RASGRF1: variants seen among roughly 807,000 people sequenced by gnomAD.
RASGRF1 encodes the protein Ras protein specific guanine nucleotide releasing factor 1, also known as ras-specific guanine nucleotide-releasing factor 1.
A neutral mutation model predicts 138.7 loss-of-function variants in RASGRF1; 40 were observed. The observed-to-expected ratio is 0.29, with a 90% CI of 0.22 to 0.38. The LOEUF is 0.38. RASGRF1 is among the 10% of genes least tolerant of loss of function. RASGRF1 has a pLI of 1.00. For synonymous variants in RASGRF1, 614 were observed against 663.2 expected (o/e 0.93, Z 1.14); for missense variants, 1,108 against 1,650.4 (o/e 0.67, Z 5.69).
At chr15:79,005,248 C>T (rs576466866) in intron 14 of RASGRF1, 51 of 985,608 alleles carry the variant, frequency 5.2e-5, no homozygotes, top group African/African-American at 4.5e-4. Flanking sequence ...TGGGTCGTTG[C>T]GTTGCTCTGG....
chr15:78,978,222 T>C (rs75646863), intron 24 of RASGRF1, among the ~76,000 whole-genome samples: 9 of 23,914 alleles, frequency 3.8e-4, no homozygotes, highest in East Asian at 3.3e-3. Context: ...TTTCTTTTGT[T>C]TTTTTTTTTT....
chr15:79,001,181 A>G (rs2056514873), intron 16 of RASGRF1, among the ~76,000 whole-genome samples: 1 of 152,150 alleles, frequency 6.6e-6, no homozygotes, highest in African/African-American at 2.4e-5. Flanking sequence ...CCTTTTTGCA[A>G]AGCTGTCAAG....
intron 21 of RASGRF1, 128 bp downstream of exon 21, chr15:78,991,563 A>G (rs548322955): frequency 3.1e-5 from 22 of 700,840 alleles, no homozygotes; most frequent in Non-Finnish European, 4.4e-5. Flanking sequence ...CTGCTGACCC[A>G]GGCACTATTG....
chr15:78,973,191 G>A lies in RASGRF1; in HGVS notation c.3612+112C>T, dbSNP rs1373525048. ...AAGCTGGACCCAGGCTCCCAAATGG[G>A]GGCACCCTATGCAGCAGGTTGGGCC... On this transcript the variant is annotated intron_variant, in intron 25 of 26. Coordinates refer to ENST00000558480, the MANE Select transcript of RASGRF1 (RefSeq NM_001145648.3). The surrounding 1 kb of genome is among the most constrained non-coding windows in gnomAD (Gnocchi z 4.9). 6.2e-6 allele frequency: 5 copies of A among 812,658 alleles called. No homozygotes were observed. The highest frequency in any genetic ancestry group is 3.3e-4 in the Middle Eastern group (1 of 3,072). 50.3% of individuals were successfully genotyped at this position (812,658 alleles called of 1,614,324 possible).
At chr15:79,075,836 T>C (rs1045853412) in intron 1 of RASGRF1, among the ~76,000 whole-genome samples, 4 of 152,204 alleles carry the variant, frequency 2.6e-5, no homozygotes, top group African/African-American at 9.6e-5. Context: ...TGGGCAGCCT[T>C]GTCATCTCTC....
At chr15:79,013,697 G>A (rs1405584465) in intron 13 of RASGRF1, among the ~76,000 whole-genome samples, 1 of 152,150 alleles carries the variant, frequency 6.6e-6, no homozygotes, top group Non-Finnish European at 1.5e-5. Flanking sequence ...GAGAGCCAGT[G>A]GGCTCCAGGG....
Position 79,015,378 on chromosome 15 carries a change from A to G in RASGRF1, c.1775T>C (p.Met592Thr). ...GGAATTTTCTTCAAATGCGTTCATC[A>G]TGAGCCCATTGCATCGGATGTTATC... is the stretch of plus-strand genomic sequence containing the variant. ...CVDNIRCNGL[M>T]MNAFEENSKV... Residue 592 changes from methionine (M) to threonine (T), a missense_variant, in exon 13 of 27, where the codon ATG (methionine) becomes ACG (threonine). This residue lies in a region of RASGRF1 where 686 missense variants were observed against 976.7 expected (regional missense o/e 0.70). Coordinates refer to ENST00000558480, the MANE Select transcript of RASGRF1 (RefSeq NM_001145648.3). The G allele has an allele frequency of 6.2e-7, 1 of 1,614,062 alleles. No individual in the cohort carries two copies.
At chr15:79,039,777 TC>T (rs1335336397) in intron 5 of RASGRF1, among the ~76,000 whole-genome samples, 5 of 152,194 alleles carry the variant, frequency 3.3e-5, no homozygotes, top group Admixed American at 3.3e-4. Flanking sequence ...TACTGATTTT[TC>T]TTTTTTTTTG....
In RASGRF1 at chr15:78,967,363, T is replaced by C. The variant is rs188121111; in HGVS notation, c.3681+4503A>G. The stretch of plus-strand genomic sequence containing the variant: ...GAGTTCGAGACCAGGCTGGACAACA[T>C]GGCAAAACCCTGTTTCTACAAAAAA... On this transcript the variant is annotated intron_variant, in intron 26 of 26. Coordinates refer to ENST00000558480, the MANE Select transcript of RASGRF1 (RefSeq NM_001145648.3). 4.1e-3 allele frequency among the ~76,000 whole-genome samples: 626 copies of C among 152,238 alleles called. 5 individuals are homozygous for C. The highest frequency in any genetic ancestry group is 0.015 in the African/African-American group (606 of 41,528).
Position 79,006,090 on chromosome 15 carries a change from G to A in RASGRF1, c.2075+96C>T. 1 of 1,535,768 alleles carries A rather than the reference G, an allele frequency of 6.5e-7. No homozygotes were observed. Among genetic ancestry groups the A allele is most frequent in the Non-Finnish European group, 8.9e-7 (1 of 1,127,210 alleles). On this transcript the variant is annotated intron_variant, in intron 14 of 26. Coordinates refer to ENST00000558480, the MANE Select transcript of RASGRF1 (RefSeq NM_001145648.3). This position sits in a 1 kb window ranked among gnomAD's most constrained non-coding sequence, Gnocchi z 4.0. Reference sequence around the variant, plus strand: ...AACACGTTACTGCTGCTCCTCCAGGGACCTTCCAGGTCACCCCCCGGCCCC... The same window carrying A: ...AACACGTTACTGCTGCTCCTCCAGGAACCTTCCAGGTCACCCCCCGGCCCC...
At chr15:79,049,052 G>A (rs568489642) in intron 4 of RASGRF1, among the ~76,000 whole-genome samples, 19 of 152,310 alleles carry the variant, frequency 1.2e-4, no homozygotes, top group Non-Finnish European at 2.2e-4. Flanking sequence ...CTGGACTACC[G>A]TGCTGGGTCT....
chr15:78,978,215 C>CTTTTTTTTTTTTTTTTTTTTT (rs2055915117), intron 24 of RASGRF1, among the ~76,000 whole-genome samples: 1 of 79,344 alleles, frequency 1.3e-5, no homozygotes, highest in African/African-American at 5.1e-5. Flanking sequence ...TTTTTCTTTT[C>CTTTTTTTTTTTTTTTTTTTTT]TTTTGTTTTT....
intron 2 of RASGRF1, 70 bp downstream of exon 2, chr15:79,064,350 G>T: frequency 7.0e-7 from 1 of 1,437,796 alleles, no homozygotes. Flanking sequence ...TTGTTCAAAG[G>T]CCCTTGGGTC....
intron 12 of RASGRF1, among the ~76,000 whole-genome samples, chr15:79,016,170 A>G (rs932954502): frequency 4.6e-5 from 7 of 152,066 alleles, no homozygotes; most frequent in African/African-American, 1.5e-4. Context: ...TGGCATAGCG[A>G]TAGGGAAGGC....
chr15:79,005,139 G>A, intron 14 of RASGRF1: 1 of 985,460 alleles, frequency 1.0e-6, no homozygotes, highest in Non-Finnish European at 1.2e-6. Context: ...GATCATTGAG[G>A]TTTCAGAAGT....
intron 23 of RASGRF1, chr15:78,981,339 C>G (rs2056025011): frequency 6.6e-6 from 1 of 152,270 alleles, no homozygotes; most frequent in Non-Finnish European, 1.5e-5. Flanking sequence ...CGGGTCAAGC[C>G]TGGCTTTGTG....
At chr15:78,968,139 A>G (rs568412553) in intron 26 of RASGRF1, among the ~76,000 whole-genome samples, 1 of 151,326 alleles carries the variant, frequency 6.6e-6, no homozygotes, top group East Asian at 1.9e-4. Flanking sequence ...CTGATCTTGA[A>G]CTCCTGAACT....
chr15:78,999,372 G>A (rs2056466968), intron 17 of RASGRF1, among the ~76,000 whole-genome samples: 1 of 152,218 alleles, frequency 6.6e-6, no homozygotes, highest in Admixed American at 6.5e-5. Flanking sequence ...AGCTGGAAGA[G>A]GAGGGTGCAG....
intron 26 of RASGRF1, among the ~76,000 whole-genome samples, chr15:78,968,256 G>GTGTGTC (rs1214483354): frequency 1.5e-5 from 2 of 131,564 alleles, no homozygotes; most frequent in African/African-American, 5.2e-5. Context: ...ACTGATGTGT[G>GTGTGTC]TGTGTGTGTG....
Sources: allele counts gnomAD v4.1 joint callset (sites outside exome capture counted in the v4.1 genomes callset), GRCh38; gene constraint gnomAD v4.1.1; regional missense constraint gnomAD v4.1.1; non-coding constraint Gnocchi (gnomAD v3.1); transcripts MANE v1.5; gene names NCBI Gene and HGNC (gene_info 2026-07-23, HGNC 2026-07-21).